SH3GLB1: variants seen among roughly 807,000 people sequenced by gnomAD.
SH3GLB1 encodes endophilin-B1.
A neutral mutation model predicts 42.0 loss-of-function variants in SH3GLB1; 17 were observed. The ratio of observed to expected loss-of-function variants is 0.40; its 90% CI spans 0.28 to 0.61. The LOEUF is 0.61. SH3GLB1 is among the 20% of genes least tolerant of loss of function. The probability of loss-of-function intolerance (pLI) is 0.36; values close to 1 mark genes in which losing one functional copy is unlikely to be tolerated. For missense variants in SH3GLB1, 355 were observed against 426.3 expected, an observed-to-expected ratio of 0.83 and a Z score of 1.47; for synonymous variants, 132 against 146.6, an observed-to-expected ratio of 0.90 and a Z score of 0.72.
In SH3GLB1 at chr1:86,704,793, A is replaced by T; in HGVS notation, c.-107A>T. 1.7e-6 allele frequency: 1 copy of T among 593,094 alleles called. No individual in the cohort carries two copies. Among genetic ancestry groups the T allele is most frequent in the Non-Finnish European group, 2.8e-6 (1 of 356,394 alleles). 36.7% of individuals were successfully genotyped at this position (593,094 alleles called of 1,614,324 possible). Reference sequence around the variant, plus strand: ...TGCGGGGCTGGCGCCGCCTCCCTCCACCTACCACGTCTGCCCTCGCCGCTC... The same window carrying T: ...TGCGGGGCTGGCGCCGCCTCCCTCCTCCTACCACGTCTGCCCTCGCCGCTC... On this transcript the variant is annotated 5_prime_UTR_variant, in exon 1 of 9. Coordinates refer to ENST00000370558, the MANE Select transcript of SH3GLB1 (RefSeq NM_016009.5).
intron 5 of SH3GLB1, among the ~76,000 whole-genome samples, chr1:86,733,338 A>T (rs1448877204): frequency 3.3e-5 from 5 of 152,216 alleles, no homozygotes; most frequent in African/African-American, 1.2e-4. Context: ...ACTTCCTTGT[A>T]GACTGGTTTA....
chr1:86,737,976 T>C (rs528631696), intron 7 of SH3GLB1, among the ~76,000 whole-genome samples: 5 of 152,288 alleles, frequency 3.3e-5, no homozygotes, highest in African/African-American at 4.8e-5. Context: ...CCAAAACATA[T>C]AGGGCTTCGA....
At chr1:86,718,293 G>T (rs532646308) in intron 2 of SH3GLB1, among the ~76,000 whole-genome samples, 2 of 152,090 alleles carry the variant, frequency 1.3e-5, no homozygotes, top group East Asian at 3.9e-4. Context: ...TGGTCTACCT[G>T]CCTTGGCCTC....
chr1:86,721,555 T>A (rs1196869009), intron 3 of SH3GLB1, among the ~76,000 whole-genome samples: 1 of 152,188 alleles, frequency 6.6e-6, no homozygotes, highest in African/African-American at 2.4e-5. Context: ...ACCCTGATCT[T>A]GGGGCTTCCT....
intron 6 of SH3GLB1, 38 bp downstream of exon 6, chr1:86,734,729 A>T: frequency 6.5e-7 from 1 of 1,527,378 alleles, no homozygotes; most frequent in South Asian, 1.1e-5. Context: ...TTGGAACAAG[A>T]CTTTGGTAGT....
intron 5 of SH3GLB1, among the ~76,000 whole-genome samples, chr1:86,725,302 T>G (rs947269164): frequency 6.6e-6 from 1 of 152,084 alleles, no homozygotes; most frequent in African/African-American, 2.4e-5. Flanking sequence ...GTATGGACTT[T>G]CAGGCAACGA....
Position 86,710,296 on chromosome 1 carries a change from G to A in SH3GLB1, c.72+5325G>A, listed in dbSNP as rs1055668269. Among the ~76,000 whole-genome samples, 19 of 145,382 alleles carry A rather than the reference G, an allele frequency of 1.3e-4. No homozygotes were observed. The South Asian group carries it at 3.0e-3, about 23-fold the overall frequency. ...TTTTTTTTTTTTGAGACGGAGTCTCGCCCTGTTGCCCAGGCTGGAGTGCAG... is the reference window on the plus strand; with the variant it reads ...TTTTTTTTTTTTGAGACGGAGTCTCACCCTGTTGCCCAGGCTGGAGTGCAG... On this transcript the variant is annotated intron_variant, in intron 1 of 8. Coordinates refer to ENST00000370558, the MANE Select transcript of SH3GLB1 (RefSeq NM_016009.5).
At chr1:86,730,342 T>A in intron 5 of SH3GLB1, 3 of 985,396 alleles carry the variant, frequency 3.0e-6, no homozygotes, top group Non-Finnish European at 3.6e-6. Flanking sequence ...AAATCTTGGA[T>A]ACCTGTTATA....
intron 5 of SH3GLB1, among the ~76,000 whole-genome samples, chr1:86,724,912 T>TATATA (rs1380448898): frequency 8.1e-6 from 1 of 123,130 alleles, no homozygotes; most frequent in African/African-American, 3.6e-5. Flanking sequence ...TATATATATA[T>TATATA]AAAATATATA....
chr1:86,734,552 A>T (rs1244631375), intron 5 of SH3GLB1, 50 bp from the exon 6 acceptor site: 1 of 1,328,740 alleles, frequency 7.5e-7, no homozygotes, highest in Non-Finnish European at 1.1e-6. Context: ...AATGTATATA[A>T]GATGGACTGA....
At chr1:86,736,105 G>C (rs1233810299) in intron 7 of SH3GLB1, among the ~76,000 whole-genome samples, 1 of 152,168 alleles carries the variant, frequency 6.6e-6, no homozygotes, top group African/African-American at 2.4e-5. Flanking sequence ...ACTGATAGTA[G>C]TCCATTCAGG....
intron 3 of SH3GLB1, among the ~76,000 whole-genome samples, chr1:86,720,857 A>G (rs1186320253): frequency 6.6e-6 from 1 of 152,230 alleles, no homozygotes; most frequent in African/African-American, 2.4e-5. Flanking sequence ...TGAAACTTCT[A>G]CATTGTGTTC....
chr1:86,734,817 A>G, intron 6 of SH3GLB1, 126 bp downstream of exon 6: 1 of 675,978 alleles, frequency 1.5e-6, no homozygotes, highest in Non-Finnish European at 2.6e-6. Context: ...ACTTTCCAAT[A>G]TATCCGAATA....
intron 8 of SH3GLB1, 112 bp from the exon 9 acceptor site, chr1:86,743,016 G>A (rs1312194756): frequency 3.4e-5 from 28 of 834,740 alleles, no homozygotes; most frequent in Admixed American, 5.4e-5. Flanking sequence ...TGATAATAAC[G>A]TTTAAAGTCC....
chr1:86,742,924 G>T (rs1178681644), intron 8 of SH3GLB1, among the ~76,000 whole-genome samples: 2 of 152,106 alleles, frequency 1.3e-5, no homozygotes, highest in African/African-American at 4.8e-5. Flanking sequence ...TCATGCTGCT[G>T]CACTACAGCC....
rs998737126 is a variant in SH3GLB1 at position 86,704,759 on chromosome 1, A to T, written c.-141A>T. 9.9e-6 allele frequency: 5 copies of T among 504,184 alleles called. No homozygotes were observed. Among genetic ancestry groups the T allele is most frequent in the African/African-American group, 6.2e-5 (3 of 48,226 alleles). 31.2% of individuals were successfully genotyped at this position (504,184 alleles called of 1,614,324 possible). A position where few individuals can be genotyped will look rare whatever the true frequency, so the allele number is the denominator to read the frequency against. ...CATCCTCCCCGTTCACGGAAACGAC[A>T]GCTGCGGCTGCGGGGCTGGCGCCGC... On this transcript the variant is annotated 5_prime_UTR_variant, in exon 1 of 9. Coordinates refer to ENST00000370558, the MANE Select transcript of SH3GLB1 (RefSeq NM_016009.5).
intron 5 of SH3GLB1, chr1:86,734,302 T>A (rs1222449125): frequency 5.1e-6 from 1 of 194,666 alleles, no homozygotes; most frequent in Admixed American, 5.9e-5. Context: ...ACTAGAAAAT[T>A]TATGAAAATA....
intron 5 of SH3GLB1, among the ~76,000 whole-genome samples, chr1:86,724,906 T>TATATATATATATAGAG (rs1655099902): frequency 7.4e-6 from 1 of 134,350 alleles, no homozygotes; most frequent in African/African-American, 3.0e-5. Context: ...TATATATATA[T>TATATATATATATAGAG]ATATATAAAA....
At chr1:86,741,359 G>A (rs1298043240) in intron 7 of SH3GLB1, among the ~76,000 whole-genome samples, 1 of 152,156 alleles carries the variant, frequency 6.6e-6, no homozygotes, top group Non-Finnish European at 1.5e-5. Context: ...GGTTGAATTA[G>A]AATGATGTCA....
Sources: gnomAD v4.1 joint callset for allele counts (sites outside exome capture counted in the v4.1 genomes callset) on GRCh38, gnomAD v4.1.1 for gene constraint, MANE v1.5 for transcripts, NCBI Gene and HGNC (gene_info 2026-07-23, HGNC 2026-07-21) for gene names.